Variants in PHF20 observed in about 807,000 individuals in gnomAD.
The protein encoded by PHF20 is glioma-expressed antigen 2.
Under a neutral mutation model 113.5 loss-of-function variants are expected in PHF20, and 23 were observed. The observed-to-expected ratio is 0.20, with a 90% CI of 0.15 to 0.29. PHF20 has a LOEUF of 0.29. Among genes scored for constraint, PHF20 ranks in the 10% least tolerant of loss-of-function variants. PHF20 has a pLI of 1.00. For synonymous variants in PHF20, 434 were observed against 457.3 expected, an observed-to-expected ratio of 0.95 and a Z score of 0.65; for missense variants, 943 against 1,219.6, an observed-to-expected ratio of 0.77 and a Z score of 3.38.
intron 2 of PHF20, among the ~76,000 whole-genome samples, chr20:35,805,135 C>T (rs2041857553): frequency 6.6e-6 from 1 of 151,696 alleles, no homozygotes; most frequent in Admixed American, 6.6e-5. Context: ...AACTCCTGGC[C>T]TCAGGCGATC....
chr20:35,838,333 G>T (rs1488003994), intron 2 of PHF20: 1 of 152,096 alleles, frequency 6.6e-6, no homozygotes, highest in Non-Finnish European at 1.5e-5. Flanking sequence ...CAAATAAAAT[G>T]AGTCTCATGC....
At chr20:35,798,861 A>C (rs2041721713) in intron 1 of PHF20, among the ~76,000 whole-genome samples, 1 of 152,004 alleles carries the variant, frequency 6.6e-6, no homozygotes, top group Non-Finnish European at 1.5e-5. Flanking sequence ...TCCTGGGCTC[A>C]AGCGATCCTC....
intron 1 of PHF20, among the ~76,000 whole-genome samples, chr20:35,795,274 T>C (rs188186881): frequency 4.0e-4 from 61 of 152,018 alleles, no homozygotes; most frequent in African/African-American, 1.5e-3. Context: ...CTCACTCTGA[T>C]GCCTGGGCTA....
intron 14 of PHF20, among the ~76,000 whole-genome samples, chr20:35,929,615 C>T (rs2055711559): frequency 6.6e-6 from 1 of 152,280 alleles, no homozygotes; most frequent in Non-Finnish European, 1.5e-5. Context: ...GGCTCCTTAG[C>T]ATACCTTTTA....
intron 2 of PHF20, among the ~76,000 whole-genome samples, chr20:35,829,248 ATT>A (rs1364675456): frequency 4.6e-5 from 7 of 152,320 alleles, no homozygotes; most frequent in African/African-American, 1.7e-4. Context: ...AAAATTTAGT[ATT>A]TTAATCATTT....
intron 14 of PHF20, 127 bp downstream of exon 14, chr20:35,928,006 C>T: frequency 1.4e-6 from 1 of 701,464 alleles, no homozygotes; most frequent in Non-Finnish European, 2.5e-6. Flanking sequence ...ACTCCAGCTC[C>T]TCCTCGCCTC....
intron 6 of PHF20, among the ~76,000 whole-genome samples, chr20:35,867,815 C>G (rs1461615481): frequency 6.6e-6 from 1 of 151,952 alleles, no homozygotes; most frequent in Non-Finnish European, 1.5e-5. Context: ...TTCCTCTTTT[C>G]CTCCCATTTA....
At chr20:35,845,685 A>T (rs1057389756) in intron 3 of PHF20, among the ~76,000 whole-genome samples, 54 of 151,692 alleles carry the variant, frequency 3.6e-4, no homozygotes, top group Non-Finnish European at 5.9e-5. Context: ...GTGCCTGGCT[A>T]GTTTTAAGGT....
intron 17 of PHF20, among the ~76,000 whole-genome samples, chr20:35,946,935 C>G (rs2056096217): frequency 6.6e-6 from 1 of 152,080 alleles, no homozygotes; most frequent in African/African-American, 2.4e-5. Context: ...GTCTTGATCT[C>G]TTGACCTTGT....
chr20:35,933,403 T>C (rs976928449), intron 15 of PHF20, among the ~76,000 whole-genome samples: 3 of 151,652 alleles, frequency 2.0e-5, no homozygotes, highest in Non-Finnish European at 2.9e-5. Context: ...TGGATAATTT[T>C]TTTTTTTTTT....
At chr20:35,887,193 C>T (rs2054749767) in intron 9 of PHF20, among the ~76,000 whole-genome samples, 1 of 152,146 alleles carries the variant, frequency 6.6e-6, no homozygotes, top group South Asian at 2.1e-4. Flanking sequence ...AAGTATAAAA[C>T]ATTACTCAAG....
chr20:35,900,277 T>C (rs1451262968), intron 10 of PHF20, among the ~76,000 whole-genome samples: 2 of 152,310 alleles, frequency 1.3e-5, no homozygotes, highest in East Asian at 3.9e-4. Flanking sequence ...GGATTTCCAA[T>C]AAATTATATA....
At chr20:35,837,698 G>A (rs1854855055) in intron 2 of PHF20, among the ~76,000 whole-genome samples, 1 of 152,222 alleles carries the variant, frequency 6.6e-6, no homozygotes, top group African/African-American at 2.4e-5. Context: ...CTCAAGGGCA[G>A]GGGCCAGAAC....
rs536141278 is a variant in PHF20, at chr20:35,821,328, A to G, written c.83+19723A>G. ...TGGGCGCCTGTAATCCCAGTTACTC[A>G]GGAAGCTGAGGCAGGAGAATTGCTT... On this transcript the variant is annotated intron_variant, in intron 2 of 17. Transcript: ENST00000374012. Among the ~76,000 whole-genome samples, 8 of 151,620 alleles carry G rather than the reference A, an allele frequency of 5.3e-5. No individual in the cohort carries two copies. In the South Asian group the frequency reaches 1.7e-3, roughly 32 times the overall value.
intron 1 of PHF20, among the ~76,000 whole-genome samples, chr20:35,781,043 G>C (rs1283814613): frequency 4.0e-5 from 6 of 151,482 alleles, no homozygotes; most frequent in Non-Finnish European, 8.8e-5. Flanking sequence ...AGTAGAGATG[G>C]AGTTTTACCA....
At chr20:35,857,441 T>C (rs958864409) in intron 4 of PHF20, among the ~76,000 whole-genome samples, 5 of 152,136 alleles carry the variant, frequency 3.3e-5, no homozygotes, top group Admixed American at 2.6e-4. Flanking sequence ...AGCAAACATT[T>C]TGTGTTTTGA....
At chr20:35,812,009 G>A (rs1030289613) in intron 2 of PHF20, among the ~76,000 whole-genome samples, 1 of 151,244 alleles carries the variant, frequency 6.6e-6, no homozygotes, top group Admixed American at 6.6e-5. Flanking sequence ...TCCTGACCTC[G>A]TGATCCACCC....
At chr20:35,896,385 A>G (rs1049027364) in intron 9 of PHF20, among the ~76,000 whole-genome samples, 3 of 152,114 alleles carry the variant, frequency 2.0e-5, no homozygotes, top group African/African-American at 4.8e-5. Context: ...AATTTTTTAA[A>G]AAAAGATCCA....
At chr20:35,796,539 C>G (rs1373128614) in intron 1 of PHF20, among the ~76,000 whole-genome samples, 1 of 152,056 alleles carries the variant, frequency 6.6e-6, no homozygotes, top group Non-Finnish European at 1.5e-5. Flanking sequence ...GGTCAGGACC[C>G]CAGGAGGTGT....
Sources: gnomAD v4.1 joint callset for allele counts (sites outside exome capture counted in the v4.1 genomes callset) on GRCh38, gnomAD v4.1.1 for gene constraint, MANE v1.5 for transcripts, NCBI Gene and HGNC (gene_info 2026-07-23, HGNC 2026-07-21) for gene names.